STX1B: variants seen among roughly 807,000 people sequenced by gnomAD.
STX1B encodes the protein syntaxin 1B.
In STX1B, 7 loss-of-function variants were observed where a neutral mutation model predicts 39.4. That is an observed-to-expected ratio of 0.18 (90% CI 0.10 to 0.33). The LOEUF is 0.33. Among genes scored for constraint, STX1B ranks in the 10% least tolerant of loss-of-function variants. The pLI, the probability that STX1B is intolerant of heterozygous loss-of-function variation, is 1.00. For missense variants in STX1B, 198 were observed against 383.2 expected, an observed-to-expected ratio of 0.52 and a Z score of 4.04; for synonymous variants, 136 against 144.1, an observed-to-expected ratio of 0.94 and a Z score of 0.40.
At chr16:31,009,925 G>A (rs552302462) in intron 1 of STX1B, among the ~76,000 whole-genome samples, 1 of 152,144 alleles carries the variant, frequency 6.6e-6, no homozygotes, top group South Asian at 2.1e-4. Flanking sequence ...TGGCATCTCA[G>A]TCCCAACCTG....
At chr16:31,005,461 T>C (rs1236538394) in intron 1 of STX1B, among the ~76,000 whole-genome samples, 2 of 135,206 alleles carry the variant, frequency 1.5e-5, no homozygotes, top group Admixed American at 9.5e-5. Context: ...TTCTTTTTTT[T>C]TCTTTTTCCT....
chr16:31,007,454 A>C (rs1836395755), intron 1 of STX1B, among the ~76,000 whole-genome samples: 1 of 150,946 alleles, frequency 6.6e-6, no homozygotes, highest in African/African-American at 2.4e-5. Context: ...TCTCCACCTC[A>C]CTCACTCTGC....
Position 30,997,548 on chromosome 16 carries a change from TC to T in STX1B, c.307del (p.Glu103ArgfsTer3). 1 of 1,610,570 alleles carries T rather than the reference TC, an allele frequency of 6.2e-7. No homozygotes were observed. The highest frequency in any genetic ancestry group is 8.5e-7 in the Non-Finnish European group (1 of 1,178,874). ...GTCCGCGGAGGAACGGTTCAGCCCC[TC>T]CTCCTGTTCAATGCTTTGCTCGATC... is the stretch of plus-strand genomic sequence containing the variant. ...KAIEQSIEQE[E>X]GLNRSSADLR... On this transcript the variant is annotated frameshift_variant, in exon 5 of 10. Transcript: ENST00000215095. LOFTEE classifies it high-confidence loss of function.
At chr16:30,994,146 G>T (rs1299145487) in intron 7 of STX1B, among the ~76,000 whole-genome samples, 1 of 152,096 alleles carries the variant, frequency 6.6e-6, no homozygotes, top group African/African-American at 2.4e-5. Context: ...CAAAAAATTA[G>T]CCGGGTGTGG....
chr16:31,000,697 G>C (rs2056622122), intron 4 of STX1B, among the ~76,000 whole-genome samples: 1 of 151,968 alleles, frequency 6.6e-6, no homozygotes, highest in African/African-American at 2.4e-5. Context: ...TCACCATCTT[G>C]GCCAGGCTGG....
rs928305085 is a variant in STX1B at position 31,001,293 on chromosome 16, C to T, written c.106-100G>A. 9.8e-6 allele frequency: 12 copies of T among 1,224,696 alleles called. No homozygotes were observed. Among genetic ancestry groups the T allele is most frequent in the East Asian group, 4.8e-5 (2 of 41,546 alleles). 75.9% of individuals were successfully genotyped at this position (1,224,696 alleles called of 1,614,324 possible). A position where few individuals can be genotyped will look rare whatever the true frequency, so the allele number is the denominator to read the frequency against. ...TCAGGGGAATGGACCAGCCCCAGAA[C>T]GGCTGATAAAAGGCCAGGGAGGGTG... On this transcript the variant is annotated intron_variant, in intron 2 of 9. Coordinates refer to ENST00000215095, the MANE Select transcript of STX1B (RefSeq NM_052874.5). The surrounding 1 kb of genome is among the most constrained non-coding windows in gnomAD (Gnocchi z 5.5).
Position 31,010,514 on chromosome 16 carries a change from G to T in STX1B, c.-118C>A, listed in dbSNP as rs2056676270. The T allele has an allele frequency of 1.8e-6, 1 of 546,952 alleles. No homozygotes were observed. Among genetic ancestry groups the T allele is most frequent in the South Asian group, 8.1e-5 (1 of 12,394 alleles). 33.9% of individuals were successfully genotyped at this position (546,952 alleles called of 1,614,324 possible). On this transcript the variant is annotated 5_prime_UTR_variant, in exon 1 of 10. Transcript: ENST00000215095. ...CGCCGGGGGGCGCCGCGGCCGCTGC[G>T]GGGGGCCTGCGGGCGGGGGCGGGGC...
chr16:31,008,644 C>T (rs1190272064), intron 1 of STX1B, among the ~76,000 whole-genome samples: 2 of 152,118 alleles, frequency 1.3e-5, no homozygotes, highest in Admixed American at 1.3e-4. Context: ...GAAAGAGCCT[C>T]CCCGTCCACT....
At chr16:30,997,099 G>T in intron 5 of STX1B, 40 bp from the exon 6 acceptor site, 2 of 1,436,088 alleles carry the variant, frequency 1.4e-6, no homozygotes, top group Non-Finnish European at 2.0e-6. Flanking sequence ...CAGGGAGGTA[G>T]TCAGGGATCA....
chr16:30,997,166 A>G, intron 5 of STX1B, 107 bp from the exon 6 acceptor site: 1 of 745,444 alleles, frequency 1.3e-6, no homozygotes, highest in Non-Finnish European at 2.3e-6. Flanking sequence ...CATGGGCGGA[A>G]TAAGGAGGAA....
intron 1 of STX1B, among the ~76,000 whole-genome samples, chr16:31,004,372 G>T (rs1447363535): frequency 8.5e-5 from 13 of 152,098 alleles, no homozygotes; most frequent in Non-Finnish European, 1.5e-5. Context: ...GGAAACTGAG[G>T]CATAGAGCTA....
intron 4 of STX1B, among the ~76,000 whole-genome samples, chr16:31,000,351 G>C: frequency 8.1e-6 from 1 of 123,160 alleles, no homozygotes; most frequent in East Asian, 2.4e-4. Context: ...TTTTTTGTTT[G>C]AGACAGGGTC....
intron 1 of STX1B, among the ~76,000 whole-genome samples, chr16:31,008,222 A>T (rs1424282781): frequency 6.6e-6 from 1 of 150,904 alleles, no homozygotes; most frequent in Non-Finnish European, 1.5e-5. Flanking sequence ...TGAATCTGTC[A>T]GCTTTTCCCA....
At chr16:31,004,018 C>T (rs1475985588) in intron 1 of STX1B, among the ~76,000 whole-genome samples, 1 of 152,150 alleles carries the variant, frequency 6.6e-6, no homozygotes, top group African/African-American at 2.4e-5. Flanking sequence ...TGTTAGGCTC[C>T]AGACTGGGCT....
intron 7 of STX1B, 180 bp downstream of exon 7, chr16:30,996,503 C>G (rs1328356051): frequency 1.1e-5 from 7 of 608,846 alleles, no homozygotes; most frequent in African/African-American, 1.8e-5. Context: ...GGCACACGAA[C>G]GACTCCGTCA....
rs1267662418 is a variant in STX1B at position 31,010,505 on chromosome 16, G to A, written c.-109C>T. ...GTCTGGGGGCGCCGGGGGGCGCCGCGGCCGCTGCGGGGGGCCTGCGGGCGG... is the reference window on the plus strand; with the variant it reads ...GTCTGGGGGCGCCGGGGGGCGCCGCAGCCGCTGCGGGGGGCCTGCGGGCGG... On this transcript the variant is annotated 5_prime_UTR_variant, in exon 1 of 10. Coordinates refer to ENST00000215095, the MANE Select transcript of STX1B (RefSeq NM_052874.5). The A allele has an allele frequency of 4.1e-6, 3 of 724,412 alleles. No homozygotes were observed. The highest frequency in any genetic ancestry group is 1.8e-6 in the Non-Finnish European group (1 of 547,610). 44.9% of individuals were successfully genotyped at this position (724,412 alleles called of 1,614,324 possible).
chr16:30,992,483 C>T lies in STX1B; in HGVS notation c.*338G>A. The T allele has an allele frequency of 3.5e-6, 1 of 288,796 alleles. No individual in the cohort carries two copies. The allele number at this position is 288,796 out of a possible 1,614,324, so 17.9% of individuals were successfully genotyped here. On this transcript the variant is annotated 3_prime_UTR_variant, in exon 10 of 10. Transcript: ENST00000215095. ...GGTGAAGGGGGAAGCTCAGACCACG[C>T]ACACACACCCAAGGTGGGGGTGGAG...
chr16:31,008,907 T>C (rs753469962), intron 1 of STX1B, among the ~76,000 whole-genome samples: 1 of 152,144 alleles, frequency 6.6e-6, no homozygotes, highest in South Asian at 2.1e-4. Flanking sequence ...ACCAGTCTCA[T>C]AGGATTGCTG....
At chr16:30,999,429 T>TCA (rs2056612274) in intron 4 of STX1B, among the ~76,000 whole-genome samples, 2 of 152,134 alleles carry the variant, frequency 1.3e-5, no homozygotes, top group African/African-American at 4.8e-5. Flanking sequence ...GCTCAGCATA[T>TCA]GTTTTCTGAT....
Sources: allele counts gnomAD v4.1 joint callset (sites outside exome capture counted in the v4.1 genomes callset), GRCh38; gene constraint gnomAD v4.1.1; non-coding constraint Gnocchi (gnomAD v3.1); transcripts MANE v1.5; gene names NCBI Gene and HGNC (gene_info 2026-07-23, HGNC 2026-07-21).